The following BARD1 variants were observed in gnomAD, a reference collection of about 807,000 sequenced individuals.
The protein encoded by BARD1 is BRCA1 associated RING domain 1.
A neutral mutation model predicts 77.0 loss-of-function variants in BARD1; 73 were observed. That is an observed-to-expected ratio of 0.95 (90% confidence interval 0.79 to 1.15). The LOEUF (loss-of-function observed/expected upper bound fraction) is 1.15, where lower values mean the gene tolerates loss of function less well. Ranked by LOEUF, BARD1 falls within the 50% of genes most tolerant of loss-of-function variation. The pLI, the probability that BARD1 is intolerant of heterozygous loss-of-function variation, is 0.00. For synonymous variants in BARD1, 384 were observed against 338.0 expected, an observed-to-expected ratio of 1.14 and a Z score of -1.49; for missense variants, 993 against 938.8, an observed-to-expected ratio of 1.06 and a Z score of -0.75.
chr2:214,801,881 A>G (rs1696042548), intron 1 of BARD1, among the ~76,000 whole-genome samples: 1 of 148,718 alleles, frequency 6.7e-6, no homozygotes, highest in South Asian at 2.2e-4. Flanking sequence ...TTTTTTTAAA[A>G]CAAGATCTTG....
chr2:214,770,239 C>G (rs766772785), intron 4 of BARD1, among the ~76,000 whole-genome samples: 6 of 152,208 alleles, frequency 3.9e-5, no homozygotes, highest in Non-Finnish European at 4.4e-5. Context: ...CCGCCCAGTT[C>G]AAGACTAAAA....
intron 1 of BARD1, among the ~76,000 whole-genome samples, chr2:214,805,330 G>A (rs559051603): frequency 1.3e-5 from 2 of 152,284 alleles, no homozygotes; most frequent in South Asian, 4.1e-4. Context: ...AAAGGCAGAA[G>A]TAGAAAATGC....
chr2:214,744,242 G>T (rs1559385321), intron 9 of BARD1, among the ~76,000 whole-genome samples: 1 of 152,114 alleles, frequency 6.6e-6, no homozygotes, highest in Non-Finnish European at 1.5e-5. Flanking sequence ...AGGGGAACAG[G>T]TATACATTTT....
intron 9 of BARD1, among the ~76,000 whole-genome samples, chr2:214,741,940 T>A (rs1268565970): frequency 6.6e-6 from 1 of 152,208 alleles, no homozygotes; most frequent in African/African-American, 2.4e-5. Context: ...ATTCTTTTTG[T>A]TAAATGGTTT....
rs3738886 is a variant in BARD1, at chr2:214,730,721, C to A, written c.1904-213G>T. Among the ~76,000 whole-genome samples, 49,972 of 151,998 alleles carry A rather than the reference C, an allele frequency of 0.33. 8,481 individuals carry two copies. The highest frequency in any genetic ancestry group is 0.41 in the South Asian group (1,987 of 4,828). On this transcript the variant is annotated intron_variant, in intron 9 of 10. Transcript: ENST00000260947. ...AAGAAAATATTTTAAAAAACTCTTT[C>A]TTTGGAGGATTAAGCCATAAGTTAG...
At chr2:214,731,039 T>A (rs1692332488) in intron 9 of BARD1, 1 of 370,504 alleles carries the variant, frequency 2.7e-6, no homozygotes, top group Non-Finnish European at 5.5e-6. Context: ...TCAACAGCGC[T>A]TCCTAAAATA....
At chr2:214,732,397 C>CTTT (rs573147676) in intron 9 of BARD1, among the ~76,000 whole-genome samples, 1 of 142,044 alleles carries the variant, frequency 7.0e-6, no homozygotes. Flanking sequence ...ATTTTTTTTT[C>CTTT]TTTTTTTTTT....
intron 1 of BARD1, among the ~76,000 whole-genome samples, chr2:214,799,717 C>CA (rs1300197722): frequency 2.6e-5 from 4 of 152,110 alleles, no homozygotes; most frequent in Non-Finnish European, 5.9e-5. Flanking sequence ...ACAGAAAAAA[C>CA]ACAGTTTTGA....
intron 6 of BARD1, among the ~76,000 whole-genome samples, chr2:214,758,858 G>A (rs1476504740): frequency 1.3e-5 from 2 of 152,174 alleles, no homozygotes; most frequent in African/African-American, 4.8e-5. Flanking sequence ...ACTAATAAAA[G>A]AGAGAAAGGA....
chr2:214,752,372 A>G (rs1693494373), intron 7 of BARD1, 75 bp downstream of exon 7: 1 of 1,307,244 alleles, frequency 7.6e-7, no homozygotes, highest in Admixed American at 1.7e-5. Flanking sequence ...TCAAATGGAA[A>G]TTTTTCTATT....
At position 214,753,201 on chromosome 2, in the gene BARD1, G is replaced by A. The variant is rs576963482; in HGVS notation, c.1569-646C>T. Among the ~76,000 whole-genome samples the A allele has an allele frequency of 2.8e-4, 42 of 151,812 alleles. No homozygotes were observed. In the East Asian group the frequency reaches 7.1e-3, roughly 26 times the overall value. ...CCCAGTTTGATCCTGTTCAAGATAA[G>A]AAAAAAAAGAGAGAAGAACAAGTTC... On this transcript the variant is annotated intron_variant, in intron 6 of 10. Coordinates refer to ENST00000260947, the MANE Select transcript of BARD1 (RefSeq NM_000465.4).
rs754713784 is a variant in BARD1 at position 214,726,054 on chromosome 2, G to A, written c.*2622C>T. 2.8e-5 allele frequency: 6 copies of A among 217,464 alleles called. No individual in the cohort carries two copies. The highest frequency in any genetic ancestry group is 5.5e-5 in the Non-Finnish European group (6 of 108,630). 13.5% of individuals were successfully genotyped at this position (217,464 alleles called of 1,614,324 possible). A position where few individuals can be genotyped will look rare whatever the true frequency, so the allele number is the denominator to read the frequency against. On this transcript the variant is annotated 3_prime_UTR_variant, in exon 11 of 11. Coordinates refer to ENST00000260947, the MANE Select transcript of BARD1 (RefSeq NM_000465.4). ...GGCAGGTGCAAAAAAAAAAAAAGGT[G>A]GGGGGACCGATGAAATAAAGGAAAA...
intron 7 of BARD1, among the ~76,000 whole-genome samples, chr2:214,751,870 A>G (rs1574754686): frequency 6.6e-6 from 1 of 152,290 alleles, no homozygotes; most frequent in East Asian, 1.9e-4. Flanking sequence ...GCTAGTCTCC[A>G]GCAATAACAA....
intron 6 of BARD1, among the ~76,000 whole-genome samples, chr2:214,756,613 T>A (rs1693704957): frequency 1.3e-5 from 2 of 152,154 alleles, no homozygotes; most frequent in African/African-American, 4.8e-5. Context: ...ATAAAGAAAC[T>A]GTGGTGTATA....
At chr2:214,735,550 C>T (rs140004734) in intron 9 of BARD1, among the ~76,000 whole-genome samples, 1 of 152,120 alleles carries the variant, frequency 6.6e-6, no homozygotes, top group Non-Finnish European at 1.5e-5. Flanking sequence ...ACTTCCAATT[C>T]AGGGGAGGGA....
chr2:214,770,353 A>T (rs1220244662), intron 4 of BARD1, among the ~76,000 whole-genome samples: 2 of 152,210 alleles, frequency 1.3e-5, no homozygotes, highest in South Asian at 2.1e-4. Context: ...CTATTTCTCT[A>T]TTCCAGTACT....
At chr2:214,807,195 T>C (rs1247560052) in intron 1 of BARD1, among the ~76,000 whole-genome samples, 1 of 151,742 alleles carries the variant, frequency 6.6e-6, no homozygotes, top group Non-Finnish European at 1.5e-5. Context: ...AAGATTCAGT[T>C]CATCTATAGA....
intron 6 of BARD1, among the ~76,000 whole-genome samples, chr2:214,764,907 A>G (rs921364909): frequency 6.6e-6 from 1 of 152,112 alleles, no homozygotes; most frequent in Non-Finnish European, 1.5e-5. Context: ...AAATTTTTAG[A>G]AACAGCCACC....
At chr2:214,802,404 A>G (rs1412681867) in intron 1 of BARD1, among the ~76,000 whole-genome samples, 1 of 152,192 alleles carries the variant, frequency 6.6e-6, no homozygotes, top group Admixed American at 6.5e-5. Flanking sequence ...TTGGTAGGGT[A>G]TGTATATTAA....
Sources: allele counts gnomAD v4.1 joint callset (sites outside exome capture counted in the v4.1 genomes callset), GRCh38; gene constraint gnomAD v4.1.1; transcripts MANE v1.5; gene names NCBI Gene and HGNC (gene_info 2026-07-23, HGNC 2026-07-21).